The following R3HCC1L variants were observed in gnomAD, a reference collection of about 807,000 sequenced individuals.
R3HCC1L encodes the protein coiled-coil domain-containing protein R3HCC1L.
A neutral mutation model predicts 59.9 loss-of-function variants in R3HCC1L; 51 were observed. That is an observed-to-expected ratio of 0.85 (90% confidence interval 0.68 to 1.07). R3HCC1L has a LOEUF of 1.07. Ranked by LOEUF, R3HCC1L falls within the 50% of genes least tolerant of loss-of-function variation. The pLI is 0.00. For missense variants in R3HCC1L, 965 were observed against 933.0 expected, an observed-to-expected ratio of 1.03 and a Z score of -0.45; for synonymous variants, 322 against 315.2, an observed-to-expected ratio of 1.02 and a Z score of -0.23.
intron 9 of R3HCC1L, among the ~76,000 whole-genome samples, chr10:98,239,754 G>A (rs1336678179): frequency 6.6e-6 from 1 of 152,138 alleles, no homozygotes; most frequent in East Asian, 1.9e-4. Context: ...CTGGAGTGCA[G>A]TGGCACGATC....
At chr10:98,182,684 T>C (rs1309254068) in intron 4 of R3HCC1L, among the ~76,000 whole-genome samples, 1 of 152,222 alleles carries the variant, frequency 6.6e-6, no homozygotes, top group Non-Finnish European at 1.5e-5. Context: ...TGAGCTGCGG[T>C]GGGCTCTACC....
intron 4 of R3HCC1L, among the ~76,000 whole-genome samples, chr10:98,177,712 C>A (rs1475020121): frequency 6.6e-6 from 1 of 152,138 alleles, no homozygotes; most frequent in East Asian, 1.9e-4. Context: ...GACTTTTTAA[C>A]GATCGCCATT....
In R3HCC1L at chr10:98,235,976, G is replaced by C. The variant is rs199913271; in HGVS notation, c.2129-48G>C. 15 of 1,560,552 alleles carry C rather than the reference G, an allele frequency of 9.6e-6. No homozygotes were observed. The East Asian group carries it at 3.4e-4, about 35-fold the overall frequency. Reference sequence around the variant, plus strand: ...GAGTTAAATCACTTGAAGCTAGAGTGCTCTCTCTTCTTGACTCCTTCCTAC... The same window carrying C: ...GAGTTAAATCACTTGAAGCTAGAGTCCTCTCTCTTCTTGACTCCTTCCTAC... On this transcript the variant is annotated intron_variant, in intron 8 of 9. Coordinates refer to ENST00000298999, the MANE Select transcript of R3HCC1L (RefSeq NM_001351015.2).
intron 1 of R3HCC1L, among the ~76,000 whole-genome samples, chr10:98,141,874 C>A (rs1439599726): frequency 6.6e-6 from 1 of 152,140 alleles, no homozygotes; most frequent in Non-Finnish European, 1.5e-5. Context: ...GAGAGAGTGA[C>A]AGTTACATGG....
intron 1 of R3HCC1L, among the ~76,000 whole-genome samples, chr10:98,142,608 A>C (rs1845258984): frequency 6.6e-6 from 1 of 151,350 alleles, no homozygotes; most frequent in Non-Finnish European, 1.5e-5. Context: ...ACTGCACTCC[A>C]GTCTGGGCGA....
intron 4 of R3HCC1L, among the ~76,000 whole-genome samples, chr10:98,173,986 A>G (rs753815106): frequency 2.0e-5 from 3 of 152,194 alleles, no homozygotes; most frequent in Non-Finnish European, 2.9e-5. Context: ...CCCACCTGCT[A>G]TGCCTGCACT....
intron 4 of R3HCC1L, among the ~76,000 whole-genome samples, chr10:98,203,373 AT>A (rs1190884075): frequency 2.0e-5 from 3 of 152,158 alleles, no homozygotes; most frequent in Admixed American, 2.0e-4. Context: ...CATTTGTATT[AT>A]TTTTACTTTT....
chr10:98,147,234 T>A (rs1272710693), intron 1 of R3HCC1L, among the ~76,000 whole-genome samples: 2 of 152,196 alleles, frequency 1.3e-5, no homozygotes, highest in Non-Finnish European at 2.9e-5. Context: ...TTCAGATCTT[T>A]TGCCTGTTTT....
intron 4 of R3HCC1L, among the ~76,000 whole-genome samples, chr10:98,178,018 T>C (rs1418163084): frequency 6.6e-6 from 1 of 152,216 alleles, no homozygotes; most frequent in Non-Finnish European, 1.5e-5. Context: ...CTGTTCACTC[T>C]GATGGTAGTT....
intron 1 of R3HCC1L, among the ~76,000 whole-genome samples, chr10:98,142,970 A>G (rs1845307778): frequency 6.6e-6 from 1 of 151,050 alleles, no homozygotes; most frequent in Non-Finnish European, 1.5e-5. Context: ...AAACAAAACA[A>G]AAAAAAAACA....
rs1852930768 is a variant in R3HCC1L at position 98,208,110 on chromosome 10, G to A, written c.-5G>A. ...CATTCTTCTCTTGCAGATTGTGGTG[G>A]TGCCATGCAGCAAGAATCAGAGAGA... is the stretch of plus-strand genomic sequence containing the variant. On this transcript the variant is annotated 5_prime_UTR_variant, in exon 5 of 10. It adds an upstream start codon to the 5' untranslated region. Coordinates refer to ENST00000298999, the MANE Select transcript of R3HCC1L (RefSeq NM_001351015.2). The A allele has an allele frequency of 3.1e-6, 5 of 1,600,332 alleles. No homozygotes were observed. The African/African-American group carries it at 6.7e-5, about 22-fold the overall frequency.
chr10:98,152,888 G>C (rs1188668749), intron 1 of R3HCC1L, among the ~76,000 whole-genome samples: 2 of 151,768 alleles, frequency 1.3e-5, no homozygotes, highest in Non-Finnish European at 2.9e-5. Flanking sequence ...CACCCCGTCC[G>C]GGAGGGAGGA....
chr10:98,240,744 G>A (rs887745886), intron 9 of R3HCC1L, among the ~76,000 whole-genome samples: 2 of 149,152 alleles, frequency 1.3e-5, no homozygotes, highest in Non-Finnish European at 3.0e-5. Context: ...AGGTCTTAGG[G>A]TATTTTCTTG....
At chr10:98,154,974 T>A (rs1000639342) in intron 1 of R3HCC1L, among the ~76,000 whole-genome samples, 7 of 152,174 alleles carry the variant, frequency 4.6e-5, no homozygotes, top group African/African-American at 1.7e-4. Context: ...TGTGTATACA[T>A]CCCCCCATTT....
intron 5 of R3HCC1L, among the ~76,000 whole-genome samples, chr10:98,228,330 C>T (rs1299706865): frequency 4.6e-5 from 7 of 152,148 alleles, no homozygotes; most frequent in African/African-American, 1.7e-4. Flanking sequence ...TCTCTGATGA[C>T]CAGTGATGAT....
At chr10:98,228,921 C>G (rs1275495104) in intron 5 of R3HCC1L, among the ~76,000 whole-genome samples, 4 of 152,174 alleles carry the variant, frequency 2.6e-5, no homozygotes, top group African/African-American at 9.7e-5. Flanking sequence ...TCTGAGGCCT[C>G]TGTTCTGTTC....
At chr10:98,203,250 G>C (rs1307906906) in intron 4 of R3HCC1L, among the ~76,000 whole-genome samples, 1 of 152,134 alleles carries the variant, frequency 6.6e-6, no homozygotes, top group Non-Finnish European at 1.5e-5. Context: ...CTGCATGTGT[G>C]TGTATGTGTA....
chr10:98,179,584 A>C (rs1240729260), intron 4 of R3HCC1L, among the ~76,000 whole-genome samples: 1 of 152,090 alleles, frequency 6.6e-6, no homozygotes, highest in African/African-American at 2.4e-5. Flanking sequence ...TCATAAAATG[A>C]GTTAGGGAGG....
At chr10:98,198,266 G>T (rs1242449900) in intron 4 of R3HCC1L, among the ~76,000 whole-genome samples, 20 of 151,940 alleles carry the variant, frequency 1.3e-4, no homozygotes, top group Admixed American at 1.2e-3. Context: ...CTTATGATTT[G>T]CTTGTATCAC....
Sources: allele counts gnomAD v4.1 joint callset (sites outside exome capture counted in the v4.1 genomes callset), GRCh38; gene constraint gnomAD v4.1.1; transcripts MANE v1.5; gene names NCBI Gene and HGNC (gene_info 2026-07-23, HGNC 2026-07-21).